Variants in NKAIN2 observed in about 807,000 individuals in gnomAD.
NKAIN2 encodes sodium/potassium transporting ATPase interacting 2.
In NKAIN2, 14 loss-of-function variants were observed where a neutral mutation model predicts 32.6. The ratio of observed to expected loss-of-function variants is 0.43; its 90% CI spans 0.28 to 0.67. The LOEUF (loss-of-function observed/expected upper bound fraction) is 0.67. Among genes scored for constraint, NKAIN2 ranks in the 30% least tolerant of loss-of-function variants. The pLI is 0.17. For synonymous variants in NKAIN2, 80 were observed against 87.2 expected, an observed-to-expected ratio of 0.92 and a Z score of 0.46; for missense variants, 198 against 258.3, an observed-to-expected ratio of 0.77 and a Z score of 1.60.
chr6:124,762,877 G>C (rs145325898), intron 4 of NKAIN2, among the ~76,000 whole-genome samples: 1 of 152,318 alleles, frequency 6.6e-6, no homozygotes, highest in East Asian at 1.9e-4. Flanking sequence ...TTTCAGACTA[G>C]AAAAGGTAAG....
At chr6:124,711,913 A>G (rs1311944428) in intron 4 of NKAIN2, among the ~76,000 whole-genome samples, 1 of 151,868 alleles carries the variant, frequency 6.6e-6, no homozygotes, top group Non-Finnish European at 1.5e-5. Context: ...TAGAGTTTCC[A>G]GTTTTTCTGT....
At chr6:123,891,479 C>A in intron 1 of NKAIN2, among the ~76,000 whole-genome samples, 1 of 151,934 alleles carries the variant, frequency 6.6e-6, no homozygotes, top group Non-Finnish European at 1.5e-5. Flanking sequence ...CTCCTGCATA[C>A]CAAGGGAAAG....
At chr6:123,946,429 A>C (rs2114569943) in intron 1 of NKAIN2, among the ~76,000 whole-genome samples, 1 of 152,304 alleles carries the variant, frequency 6.6e-6, no homozygotes, top group South Asian at 2.1e-4. Flanking sequence ...CTAATTTTAC[A>C]TGGAGCTTCA....
chr6:124,726,456 C>T (rs143334712), intron 4 of NKAIN2, among the ~76,000 whole-genome samples: 2 of 152,014 alleles, frequency 1.3e-5, no homozygotes, highest in African/African-American at 2.4e-5. Flanking sequence ...ACACTGACAC[C>T]TCACACGGCA....
At chr6:124,599,953 G>A (rs1782244396) in intron 3 of NKAIN2, among the ~76,000 whole-genome samples, 1 of 152,028 alleles carries the variant, frequency 6.6e-6, no homozygotes, top group African/African-American at 2.4e-5. Flanking sequence ...GCCTGTCAAG[G>A]GTCTGGCAGC....
intron 1 of NKAIN2, among the ~76,000 whole-genome samples, chr6:123,985,396 G>C (rs1779091293): frequency 1.3e-5 from 2 of 151,848 alleles, no homozygotes; most frequent in African/African-American, 4.8e-5. Flanking sequence ...GCAAAACTTT[G>C]TATCAAAATA....
At chr6:123,981,528 T>G (rs1778897381) in intron 1 of NKAIN2, among the ~76,000 whole-genome samples, 2 of 152,134 alleles carry the variant, frequency 1.3e-5, no homozygotes, top group Non-Finnish European at 2.9e-5. Context: ...TCCAGTCGCT[T>G]TCATTCCATC....
At chr6:124,280,281 A>G (rs920049007) in intron 1 of NKAIN2, among the ~76,000 whole-genome samples, 2 of 152,200 alleles carry the variant, frequency 1.3e-5, no homozygotes, top group Non-Finnish European at 2.9e-5. Flanking sequence ...ACCAATGATG[A>G]TATAATGTCA....
At chr6:124,094,520 A>C (rs1163466548) in intron 1 of NKAIN2, among the ~76,000 whole-genome samples, 2 of 152,152 alleles carry the variant, frequency 1.3e-5, no homozygotes, top group Non-Finnish European at 2.9e-5. Flanking sequence ...GTTCTTTATT[A>C]AGACTAAGAA....
chr6:123,895,969 T>C (rs781479933), intron 1 of NKAIN2, among the ~76,000 whole-genome samples: 6 of 152,220 alleles, frequency 3.9e-5, no homozygotes, highest in Non-Finnish European at 7.3e-5. Flanking sequence ...AGATTCAGTA[T>C]CATGCATATG....
At chr6:124,779,829 C>T (rs1201586400) in intron 4 of NKAIN2, among the ~76,000 whole-genome samples, 1 of 152,172 alleles carries the variant, frequency 6.6e-6, no homozygotes, top group African/African-American at 2.4e-5. Flanking sequence ...TGAGCCCAAC[C>T]AAATTCAGCA....
chr6:123,841,324 T>C (rs1247402380), intron 1 of NKAIN2, among the ~76,000 whole-genome samples: 3 of 152,198 alleles, frequency 2.0e-5, no homozygotes, highest in African/African-American at 7.2e-5. Context: ...AGGTCCAAAG[T>C]AAACTGGCCT....
intron 4 of NKAIN2, among the ~76,000 whole-genome samples, chr6:124,700,150 C>A (rs1461985302): frequency 6.6e-6 from 1 of 152,098 alleles, no homozygotes; most frequent in Non-Finnish European, 1.5e-5. Flanking sequence ...ATATTCAGAA[C>A]AACCTGCTTA....
intron 2 of NKAIN2, among the ~76,000 whole-genome samples, chr6:124,349,358 G>GTA (rs1244698931): frequency 3.3e-5 from 5 of 151,904 alleles, no homozygotes; most frequent in African/African-American, 4.8e-5. Context: ...GGCCGGTTGG[G>GTA]TATTCTCCAG....
intron 1 of NKAIN2, among the ~76,000 whole-genome samples, chr6:123,963,714 A>G (rs1293368446): frequency 6.6e-6 from 1 of 152,178 alleles, no homozygotes; most frequent in Non-Finnish European, 1.5e-5. Context: ...CAGCATGCCA[A>G]TTTTCGAGTT....
chr6:124,782,646 G>T (rs556206273), intron 4 of NKAIN2, among the ~76,000 whole-genome samples: 9 of 152,040 alleles, frequency 5.9e-5, no homozygotes, highest in Middle Eastern at 3.4e-3. Flanking sequence ...CTTACCTTTT[G>T]TATAGTTAAT....
chr6:124,283,352 C>T (rs12660717), intron 2 of NKAIN2: 67,017 of 377,080 alleles, frequency 0.18, 6,336 homozygotes, highest in East Asian at 0.28. Flanking sequence ...TGTGATCAGA[C>T]TGAATTCTCA....
rs891056782 is a variant in NKAIN2 at position 123,843,049 on chromosome 6, C to T, written c.54+38795C>T. Among the ~76,000 whole-genome samples, 6 of 152,084 alleles carry T rather than the reference C, an allele frequency of 3.9e-5. No individual in the cohort carries two copies. The South Asian group carries it at 1.0e-3, about 26-fold the overall frequency. On this transcript the variant is annotated intron_variant, in intron 1 of 6. Coordinates refer to ENST00000368417, the MANE Select transcript of NKAIN2 (RefSeq NM_001040214.3). ...GTGCTGGCAGGAATGAACCCTGTAC[C>T]GGCCTGCGACAATATCTAGGGTTGT... is the stretch of plus-strand genomic sequence containing the variant.
At chr6:124,002,218 G>T (rs969145091) in intron 1 of NKAIN2, among the ~76,000 whole-genome samples, 1 of 151,932 alleles carries the variant, frequency 6.6e-6, no homozygotes, top group Non-Finnish European at 1.5e-5. Flanking sequence ...GGATGCTCCC[G>T]GTATATCTAA....
Sources: gnomAD v4.1 joint callset for allele counts (sites outside exome capture counted in the v4.1 genomes callset) on GRCh38, gnomAD v4.1.1 for gene constraint, MANE v1.5 for transcripts, NCBI Gene and HGNC (gene_info 2026-07-23, HGNC 2026-07-21) for gene names.